The following CLMN variants were observed in gnomAD, a reference collection of about 807,000 sequenced individuals.
The protein encoded by CLMN is calmin, also known as calmin (calponin-like, transmembrane).
In CLMN, 57 loss-of-function variants were observed where a neutral mutation model predicts 92.7. The observed-to-expected ratio is 0.61, with a 90% CI of 0.50 to 0.77. CLMN has a LOEUF of 0.77. Ranked by LOEUF, CLMN falls within the 30% of genes least tolerant of loss-of-function variation. CLMN has a pLI of 0.00. For synonymous variants in CLMN, 466 were observed against 470.6 expected, an observed-to-expected ratio of 0.99 and a Z score of 0.13; for missense variants, 1,158 against 1,237.5, an observed-to-expected ratio of 0.94 and a Z score of 0.96.
In CLMN at chr14:95,203,064, C is replaced by T. The variant is rs1194888097; in HGVS notation, c.2285G>A (p.Gly762Asp). The T allele has an allele frequency of 3.1e-6, 5 of 1,613,974 alleles. No homozygotes were observed. In the African/African-American group the frequency reaches 5.3e-5, roughly 17 times the overall value. ...CCTGGAGTCCAGGTCTGGCATATAG[C>T]CCTCTGGCTCTTCGAGATCCATTTC... ...NEEMDLEEPE[G>D]YMPDLDSREE... Residue 762 changes from glycine to aspartate, a missense_variant, in exon 9 of 13, where the codon GGC (glycine) becomes GAC (aspartate). Physicochemically the swap from Gly to Asp is moderately conservative, Grantham distance 94 (BLOSUM62 -1). Coordinates refer to ENST00000298912, the MANE Select transcript of CLMN (RefSeq NM_024734.4).
rs1423926436 is a variant in CLMN, at chr14:95,203,282, G to A, written c.2067C>T (p.Ser689=). Residue 689 remains serine (S), a synonymous_variant, in exon 9 of 13, where the codon AGC becomes AGT. Coordinates refer to ENST00000298912, the MANE Select transcript of CLMN (RefSeq NM_024734.4). ...LQGVGEELSS[S]PPSSCVSLET... ...CCAAGCTGACACAGCTGCTTGGGGG[G>A]CTGGAAGATAATTCCTCGCCCACAC... is the stretch of plus-strand genomic sequence containing the variant. 9 of 1,613,864 alleles carry A rather than the reference G, an allele frequency of 5.6e-6. No individual in the cohort carries two copies. The highest frequency in any genetic ancestry group is 2.7e-5 in the African/African-American group (2 of 74,900).
rs748826907 is a variant in CLMN, at chr14:95,203,285, G to A, written c.2064C>T (p.Ser688=). Reference sequence around the variant, plus strand: ...AGCTGACACAGCTGCTTGGGGGGCTGGAAGATAATTCCTCGCCCACACCCT... The same window carrying A: ...AGCTGACACAGCTGCTTGGGGGGCTAGAAGATAATTCCTCGCCCACACCCT... ...DLQGVGEELS[S]SPPSSCVSLE... is the part of the protein sequence containing the mutation. The change falls in exon 9 of 13, where the codon TCC becomes TCT. Residue 688 remains serine (S), a synonymous_variant. Transcript: ENST00000298912. The A allele has an allele frequency of 1.9e-6, 3 of 1,614,016 alleles. No homozygotes were observed. Among genetic ancestry groups the A allele is most frequent in the Admixed American group, 1.7e-5 (1 of 60,012 alleles).
intron 1 of CLMN, among the ~76,000 whole-genome samples, chr14:95,245,182 A>ATATATATATATAATATATATATATAT (rs1898423204): frequency 2.4e-5 from 1 of 41,734 alleles, no homozygotes; most frequent in Non-Finnish European, 3.9e-5. Flanking sequence ...TATTATATAT[A>ATATATATATATAATATATATATATAT]TATATATATA....
At chr14:95,232,917 G>T (rs145550369) in intron 1 of CLMN, among the ~76,000 whole-genome samples, 120 of 152,318 alleles carry the variant, frequency 7.9e-4, no homozygotes, top group African/African-American at 2.2e-3. Flanking sequence ...AACAAGCATT[G>T]TATGAGCATC....
chr14:95,265,468 A>G (rs996894207), intron 1 of CLMN, among the ~76,000 whole-genome samples: 1 of 152,194 alleles, frequency 6.6e-6, no homozygotes, highest in Non-Finnish European at 1.5e-5. Context: ...CCACAATTGC[A>G]TAAACCAATT....
rs756429995 is a variant in CLMN at position 95,209,494 on chromosome 14, A to G, written c.803-17T>C. ...CCATGATGTCTGTCGAGAGAGACAC[A>G]GGAATTAGCAGGAGATACAAACACA... On this transcript the variant is annotated splice_polypyrimidine_tract_variant and intron_variant, in intron 7 of 12. Coordinates refer to ENST00000298912, the MANE Select transcript of CLMN (RefSeq NM_024734.4). 6.3e-6 allele frequency: 10 copies of G among 1,586,284 alleles called. No individual in the cohort carries two copies. The Admixed American group carries it at 1.5e-4, about 24-fold the overall frequency.
In CLMN at chr14:95,196,680, T is replaced by A; in HGVS notation, c.2526A>T (p.Pro842=). 1 of 1,612,812 alleles carries A rather than the reference T, an allele frequency of 6.2e-7. No homozygotes were observed. The highest frequency in any genetic ancestry group is 1.7e-5 in the Admixed American group (1 of 59,736). The change falls in exon 10 of 13, where the codon CCA becomes CCT. Residue 842 remains proline (P), a synonymous_variant. Transcript: ENST00000298912. ...GGGGGTTTGCTATGTTTTCCAGGTT[T>A]GGGGATTCCTGGGACTGAAAGACAG... ...PMDSHQSQES[P]NLENIANPLE...
intron 1 of CLMN, among the ~76,000 whole-genome samples, chr14:95,243,020 A>C (rs28519676): frequency 0.16 from 23,744 of 152,174 alleles, 3,221 homozygotes; most frequent in African/African-American, 0.36. Context: ...TTTGTCATAT[A>C]GAGTCAAGTC....
chr14:95,274,008 T>C (rs1015257278), intron 1 of CLMN, among the ~76,000 whole-genome samples: 3 of 152,208 alleles, frequency 2.0e-5, no homozygotes, highest in African/African-American at 7.2e-5. Flanking sequence ...CCCCTTCGGT[T>C]ATTAAACAAA....
intron 1 of CLMN, among the ~76,000 whole-genome samples, chr14:95,234,639 G>A (rs940456898): frequency 9.2e-5 from 14 of 152,202 alleles, no homozygotes; most frequent in South Asian, 2.1e-4. Context: ...GTGCCGGGCC[G>A]GGTGGAGGAG....
At chr14:95,217,555 T>C (rs1187601) in intron 4 of CLMN, among the ~76,000 whole-genome samples, 138,955 of 152,306 alleles carry the variant, frequency 0.91, 63,566 homozygotes, top group African/African-American at 0.98. Flanking sequence ...TTCAGTACTA[T>C]CTCCGCATTC....
At chr14:95,210,972 A>T (rs1335765586) in intron 6 of CLMN, 93 bp from the exon 7 acceptor site, 2 of 1,353,114 alleles carry the variant, frequency 1.5e-6, no homozygotes, top group African/African-American at 3.0e-5. Context: ...TGAGTTTTTG[A>T]GTGGGGCAGA....
chr14:95,210,698 G>C lies in CLMN; in HGVS notation c.790C>G (p.Leu264Val). The change falls in exon 7 of 13, where the codon CTG becomes GTG. Residue 264 changes from leucine to valine, a missense_variant. Physicochemically the swap from Leu to Val is conservative, Grantham distance 32. Transcript: ENST00000298912. ...AQDALHIPRLLEPEDIMVDTP... is the reference protein window; with the variant it reads ...AQDALHIPRLVEPEDIMVDTP... ...GAACCACTGCTACCTTCTGGCTCCA[G>C]GAGCCTGGGGATGTGCAGGGCATCC... 1 of 1,604,902 alleles carries C rather than the reference G, an allele frequency of 6.2e-7. No individual in the cohort carries two copies.
chr14:95,231,675 C>A (rs1897894405), intron 1 of CLMN, among the ~76,000 whole-genome samples: 1 of 152,162 alleles, frequency 6.6e-6, no homozygotes, highest in East Asian at 1.9e-4. Context: ...CAGAGAGGTT[C>A]CAGTGACTTG....
At chr14:95,251,152 G>C (rs538483318) in intron 1 of CLMN, among the ~76,000 whole-genome samples, 71 of 152,256 alleles carry the variant, frequency 4.7e-4, no homozygotes, top group Non-Finnish European at 8.7e-4. Flanking sequence ...TGTGTAATGG[G>C]GGGTGGGTGT....
At chr14:95,230,759 A>G (rs930989668) in intron 1 of CLMN, among the ~76,000 whole-genome samples, 9 of 152,142 alleles carry the variant, frequency 5.9e-5, no homozygotes, top group African/African-American at 1.7e-4. Flanking sequence ...TGCAGAGCCA[A>G]CTCCACACAG....
chr14:95,312,799 T>C (rs150423261), intron 1 of CLMN, among the ~76,000 whole-genome samples: 483 of 152,140 alleles, frequency 3.2e-3, no homozygotes, highest in African/African-American at 0.011. Context: ...AGTTCTGGGA[T>C]GTGGGGGCAT....
intron 1 of CLMN, among the ~76,000 whole-genome samples, chr14:95,233,602 A>G (rs1287604200): frequency 1.3e-5 from 2 of 152,238 alleles, no homozygotes. Context: ...TCACAGCCAA[A>G]TAAGTAAAAG....
chr14:95,190,260 C>T lies in CLMN; in HGVS notation c.*1304G>A, dbSNP rs570635203. The T allele has an allele frequency of 6.6e-6, 1 of 152,370 alleles. No homozygotes were observed. Among genetic ancestry groups the T allele is most frequent in the African/African-American group, 2.4e-5 (1 of 41,568 alleles). 9.4% of individuals were successfully genotyped at this position (152,370 alleles called of 1,614,324 possible). On this transcript the variant is annotated 3_prime_UTR_variant, in exon 13 of 13. Transcript: ENST00000298912. ...TGGTGTGCCCAGTGGAAGTTTCCTA[C>T]AAGGGGTGACAGCTCTGGACAGGGC...
Sources: gnomAD v4.1 joint callset for allele counts (sites outside exome capture counted in the v4.1 genomes callset) on GRCh38, gnomAD v4.1.1 for gene constraint, MANE v1.5 for transcripts, NCBI Gene and HGNC (gene_info 2026-07-23, HGNC 2026-07-21) for gene names.